Variants in SH3PXD2B observed in about 807,000 individuals in gnomAD.
SH3PXD2B encodes SH3 and PX domain-containing protein 2B.
A neutral mutation model predicts 73.1 loss-of-function variants in SH3PXD2B; 37 were observed. The observed-to-expected ratio is 0.51, with a 90% confidence interval of 0.39 to 0.67. The LOEUF is 0.67. SH3PXD2B is among the 30% of genes least tolerant of loss of function. The probability of loss-of-function intolerance (pLI) is 0.00; values close to 1 mark genes in which losing one functional copy is unlikely to be tolerated. For synonymous variants in SH3PXD2B, 457 were observed against 480.5 expected (o/e 0.95, Z 0.64); for missense variants, 1,053 against 1,197.8 (o/e 0.88, Z 1.78).
chr5:172,336,022 C>G lies in SH3PXD2B; in HGVS notation c.*2347G>C. 1.0e-6 allele frequency: 1 copy of G among 1,002,784 alleles called. No individual in the cohort carries two copies. The highest frequency in any genetic ancestry group is 1.2e-6 in the Non-Finnish European group (1 of 841,912). The allele number at this position is 1,002,784 out of a possible 1,614,324, so 62.1% of individuals were successfully genotyped here. The stretch of plus-strand genomic sequence containing the variant: ...AGTCTGCTCCTACCCAGCTGACCCC[C>G]GGGAGGAAGGAATGAAGCAAGAGAG... On this transcript the variant is annotated 3_prime_UTR_variant, in exon 13 of 13. Transcript: ENST00000311601.
In SH3PXD2B at chr5:172,335,845, T is replaced by C; in HGVS notation, c.*2524A>G. On this transcript the variant is annotated 3_prime_UTR_variant, in exon 13 of 13. Coordinates refer to ENST00000311601, the MANE Select transcript of SH3PXD2B (RefSeq NM_001017995.3). ...GCTGGATACAGACGTCCTCAGGCCATAGATATGACTCAAGGAGAGAACAGT... is the reference window on the plus strand; with the variant it reads ...GCTGGATACAGACGTCCTCAGGCCACAGATATGACTCAAGGAGAGAACAGT... 2.4e-6 allele frequency: 3 copies of C among 1,227,464 alleles called. No individual in the cohort carries two copies. The highest frequency in any genetic ancestry group is 3.0e-6 in the Non-Finnish European group (3 of 985,932). 76.0% of individuals were successfully genotyped at this position (1,227,464 alleles called of 1,614,324 possible). A position where few individuals can be genotyped will look rare whatever the true frequency, so the allele number is the denominator to read the frequency against.
intron 2 of SH3PXD2B, among the ~76,000 whole-genome samples, chr5:172,420,065 G>A (rs527675306): frequency 2.6e-4 from 40 of 152,250 alleles, no homozygotes; most frequent in African/African-American, 6.3e-4. Flanking sequence ...CCATGGCATC[G>A]AAAGATGCTG....
intron 10 of SH3PXD2B, 110 bp downstream of exon 10, chr5:172,350,252 TG>T: frequency 9.8e-7 from 1 of 1,025,266 alleles, no homozygotes; most frequent in East Asian, 2.4e-5. Context: ...ATCTGGAGGA[TG>T]GGGGAGCAGC....
chr5:172,362,955 C>T (rs1581275805), intron 6 of SH3PXD2B, 86 bp from the exon 7 acceptor site: 8 of 1,562,326 alleles, frequency 5.1e-6, no homozygotes, highest in South Asian at 1.1e-5. Context: ...GTCAAGAGGA[C>T]GTTCCAAATA....
Position 172,339,591 on chromosome 5 carries a change from G to T in SH3PXD2B, c.1514C>A (p.Ser505Ter), listed in dbSNP as rs146888830. 2 of 1,614,236 alleles carry T rather than the reference G, an allele frequency of 1.2e-6. No homozygotes were observed. The highest frequency in any genetic ancestry group is 1.3e-5 in the African/African-American group (1 of 75,074). The part of the protein sequence containing the change: ...LRKASSDMSA[S>*]AGYEEISDPD... ...GTCTGAGATCTCCTCGTAGCCTGCTGACGCAGACATGTCTGAAGATGCCTT... is the reference window on the plus strand; with the variant it reads ...GTCTGAGATCTCCTCGTAGCCTGCTTACGCAGACATGTCTGAAGATGCCTT... Residue 505 changes from serine to a stop codon, truncating the protein, a stop_gained, in exon 13 of 13, where the codon TCA (serine) becomes TAA (stop). Transcript: ENST00000311601. LOFTEE classifies it high-confidence loss of function. The surrounding 1 kb of genome is among the most constrained non-coding windows in gnomAD (Gnocchi z 6.1).
chr5:172,348,054 G>A (rs1013476386), intron 10 of SH3PXD2B, among the ~76,000 whole-genome samples: 7 of 152,180 alleles, frequency 4.6e-5, no homozygotes, highest in African/African-American at 1.2e-4. Context: ...GTAGTTTGGC[G>A]TTGGGGTGCG....
chr5:172,450,357 G>A (rs770939001), intron 1 of SH3PXD2B, among the ~76,000 whole-genome samples: 1 of 152,016 alleles, frequency 6.6e-6, no homozygotes, highest in Non-Finnish European at 1.5e-5. Context: ...TTGCATCTGC[G>A]ATGCTTTATT....
At chr5:172,382,216 TG>T in intron 4 of SH3PXD2B, 89 bp from the exon 5 acceptor site, 1 of 1,075,434 alleles carries the variant, frequency 9.3e-7, no homozygotes. Flanking sequence ...CTCGGGAGGC[TG>T]AGGCAAGATA....
At chr5:172,369,420 A>G (rs940819722) in intron 6 of SH3PXD2B, among the ~76,000 whole-genome samples, 3 of 152,062 alleles carry the variant, frequency 2.0e-5, no homozygotes, top group African/African-American at 7.2e-5. Context: ...GGCCTAGAAC[A>G]TGGGTGGCTT....
intron 12 of SH3PXD2B, among the ~76,000 whole-genome samples, chr5:172,327,001 CA>C (rs1756457925): frequency 1.3e-5 from 2 of 150,982 alleles, no homozygotes; most frequent in Non-Finnish European, 3.0e-5. Context: ...GGATTACAGG[CA>C]TGCGCCACCA....
intron 1 of SH3PXD2B, among the ~76,000 whole-genome samples, chr5:172,424,801 T>C (rs1490092554): frequency 6.6e-6 from 1 of 152,166 alleles, no homozygotes; most frequent in Non-Finnish European, 1.5e-5. Context: ...AATGGGGTCA[T>C]CAAGCATACA....
intron 1 of SH3PXD2B, among the ~76,000 whole-genome samples, chr5:172,437,211 C>T (rs1759412509): frequency 6.6e-6 from 1 of 152,170 alleles, no homozygotes; most frequent in African/African-American, 2.4e-5. Context: ...GGATGGAGCT[C>T]CACGGGCTTG....
chr5:172,369,512 G>A (rs1757654696), intron 6 of SH3PXD2B, among the ~76,000 whole-genome samples: 1 of 152,098 alleles, frequency 6.6e-6, no homozygotes, highest in South Asian at 2.1e-4. Context: ...GCTCACGCCT[G>A]TAATCCCAGC....
At chr5:172,342,633 C>T (rs757120388) in intron 12 of SH3PXD2B, among the ~76,000 whole-genome samples, 11 of 152,138 alleles carry the variant, frequency 7.2e-5, no homozygotes, top group Non-Finnish European at 1.0e-4. Context: ...TGGTGGCATG[C>T]GCCTGTAATC....
intron 2 of SH3PXD2B, among the ~76,000 whole-genome samples, chr5:172,409,997 T>C (rs927742359): frequency 3.3e-5 from 5 of 152,256 alleles, no homozygotes; most frequent in African/African-American, 1.2e-4. Flanking sequence ...ATTACAGGCA[T>C]GAGCCACTGT....
intron 8 of SH3PXD2B, among the ~76,000 whole-genome samples, chr5:172,354,512 A>C (rs918234915): frequency 3.9e-5 from 6 of 152,144 alleles, no homozygotes; most frequent in African/African-American, 1.4e-4. Context: ...AATGTTTAGC[A>C]AATCAGTCAA....
chr5:172,440,882 C>T (rs1299632608), intron 1 of SH3PXD2B, among the ~76,000 whole-genome samples: 3 of 152,100 alleles, frequency 2.0e-5, no homozygotes, highest in Non-Finnish European at 4.4e-5. Flanking sequence ...GTTTTCCCAT[C>T]TGTAAAAGGG....
Position 172,338,484 on chromosome 5 carries a change from G to A in SH3PXD2B, c.2621C>T (p.Thr874Ile), listed in dbSNP as rs1237050955. 2.5e-6 allele frequency: 4 copies of A among 1,614,080 alleles called. No homozygotes were observed. The highest frequency in any genetic ancestry group is 1.7e-5 in the Admixed American group (1 of 60,000). ...DKDTSSFQEG[T>I]VFEVREKNSS... ...GTTCTTCTCCCGGACTTCAAACACT[G>A]TCCCTTCCTGGAAGCTGCTGGTGTC... The change falls in exon 13 of 13, where the codon ACA becomes ATA. Residue 874 changes from threonine to isoleucine, a missense_variant. Thr to Ile is a moderately conservative substitution (Grantham distance 89). Transcript: ENST00000311601. The surrounding 1 kb of genome is among the most constrained non-coding windows in gnomAD (Gnocchi z 5.1).
At chr5:172,380,999 CA>C (rs1757931461) in intron 5 of SH3PXD2B, among the ~76,000 whole-genome samples, 1 of 152,242 alleles carries the variant, frequency 6.6e-6, no homozygotes, top group Admixed American at 6.5e-5. Flanking sequence ...GGCCTGACTT[CA>C]CTTGTTAAAA....
Sources: gnomAD v4.1 joint callset for allele counts (sites outside exome capture counted in the v4.1 genomes callset) on GRCh38, gnomAD v4.1.1 for gene constraint, Gnocchi (gnomAD v3.1) non-coding constraint, MANE v1.5 for transcripts, NCBI Gene and HGNC (gene_info 2026-07-23, HGNC 2026-07-21) for gene names.